The following TFR2 variants were observed in gnomAD, a reference collection of about 807,000 sequenced individuals.
TFR2 encodes the protein transferrin receptor 2.
Under a neutral mutation model 91.9 loss-of-function variants are expected in TFR2, and 64 were observed. That is an observed-to-expected ratio of 0.70 (90% confidence interval 0.57 to 0.86). The LOEUF (loss-of-function observed/expected upper bound fraction) is 0.86, where lower values mean the gene tolerates loss of function less well. TFR2 is among the 40% of genes least tolerant of loss of function. The probability of loss-of-function intolerance (pLI) is 0.00; values close to 1 mark genes in which losing one functional copy is unlikely to be tolerated. For synonymous variants in TFR2, 454 were observed against 459.6 expected, an observed-to-expected ratio of 0.99 and a Z score of 0.15; for missense variants, 950 against 1,080.5, an observed-to-expected ratio of 0.88 and a Z score of 1.69.
chr7:100,631,181 G>A (rs1803421377), intron 8 of TFR2, 129 bp from the exon 9 acceptor site: 3 of 1,097,620 alleles, frequency 2.7e-6, no homozygotes, highest in African/African-American at 3.2e-5. Flanking sequence ...CGCTGCCTGG[G>A]TAGGGCAGTG....
In TFR2 at chr7:100,641,493, C is replaced by G. The variant is rs1416301100; in HGVS notation, c.17G>C (p.Gly6Ala). Residue 6 changes from glycine (G) to alanine (A), a missense_variant, in exon 1 of 18, where the codon GGT (glycine) becomes GCT (alanine). By Grantham distance (60) the Gly-to-Ala change is moderately conservative (BLOSUM62 0). Coordinates refer to ENST00000223051, the MANE Select transcript of TFR2 (RefSeq NM_003227.4). ...TAGTCTTACCGCTCTCTGGAATAGA[C>G]CCCAAAGCCGCTCCATGCTTGTGTC... is the stretch of plus-strand genomic sequence containing the variant. MERLW[G>A]LFQRAQQLSP... 1.2e-6 allele frequency: 2 copies of G among 1,613,740 alleles called. No homozygotes were observed. The highest frequency in any genetic ancestry group is 1.3e-5 in the African/African-American group (1 of 74,868).
At position 100,627,458 on chromosome 7, in the gene TFR2, C is replaced by T. The variant is rs955254550; in HGVS notation, c.1801G>A (p.Glu601Lys). ...TTATGCAGGTTCTCATAAGTGTCCT[C>T]CTTTGTGTGCAGGAATGGGTAGGCC... ...DQAYPFLHTK[E>K]DTYENLHKVL... The change falls in exon 16 of 18, where the codon GAG (glutamate) becomes AAG (lysine). Residue 601 changes from glutamate to lysine, a missense_variant. Transcript: ENST00000223051. 1.9e-6 allele frequency: 3 copies of T among 1,603,680 alleles called. No homozygotes were observed. The African/African-American group carries it at 4.0e-5, about 21-fold the overall frequency.
At chr7:100,634,859 A>G (rs765955255) in intron 3 of TFR2, among the ~76,000 whole-genome samples, 1 of 152,190 alleles carries the variant, frequency 6.6e-6, no homozygotes, top group Non-Finnish European at 1.5e-5. Context: ...TCCTCAACGA[A>G]GCCTTCCCTG....
In TFR2 at chr7:100,620,897, G is replaced by T. The variant is rs573782227; in HGVS notation, c.2366C>A (p.Ala789Glu). ...LTWTLQGAAN[A>E]LSGDVWNIDN... Reference sequence around the variant, plus strand: ...AATGTTCCAGACATCCCCGCTAAGCGCATTGGCTGCCCCTTGCAGCGTCCA... The same window carrying T: ...AATGTTCCAGACATCCCCGCTAAGCTCATTGGCTGCCCCTTGCAGCGTCCA... The change falls in exon 18 of 18, where the codon GCG becomes GAG. Residue 789 changes from alanine to glutamate, a missense_variant. Ala to Glu is a moderately radical substitution (Grantham distance 107). Transcript: ENST00000223051. 2 of 1,613,900 alleles carry T rather than the reference G, an allele frequency of 1.2e-6. No individual in the cohort carries two copies. The highest frequency in any genetic ancestry group is 2.2e-5 in the South Asian group (2 of 91,090).
In TFR2 at chr7:100,640,571, G is replaced by A. The variant is rs62482243; in HGVS notation, c.473+115C>T. On this transcript the variant is annotated intron_variant, in intron 3 of 17. Transcript: ENST00000223051. Reference sequence around the variant, plus strand: ...AGGGGGGCCAGGAAGGCAGATGGGAGGACTCAGGAGGGGGACCCAGACACC... The same window carrying A: ...AGGGGGGCCAGGAAGGCAGATGGGAAGACTCAGGAGGGGGACCCAGACACC... The A allele has an allele frequency of 7.4e-4, 902 of 1,215,418 alleles. 3 individuals carry two copies. Among genetic ancestry groups the A allele is most frequent in the Non-Finnish European group, 9.8e-4 (856 of 870,830 alleles). 75.3% of individuals were successfully genotyped at this position (1,215,418 alleles called of 1,614,324 possible).
intron 17 of TFR2, 97 bp from the exon 18 acceptor site, chr7:100,621,223 GT>G (rs1803102499): frequency 7.4e-7 from 1 of 1,348,368 alleles, no homozygotes; most frequent in African/African-American, 1.5e-5. Flanking sequence ...TTGTTTTTTT[GT>G]TTGTTTGTTT....
At chr7:100,626,500 C>A in intron 17 of TFR2, 4 of 1,342,844 alleles carry the variant, frequency 3.0e-6, no homozygotes, top group Non-Finnish European at 2.9e-6. Flanking sequence ...GGTGGATTGT[C>A]CCAGTTCTGC....
chr7:100,627,696 C>G (rs756027634), intron 14 of TFR2, 35 bp from the exon 15 acceptor site: 4 of 1,613,954 alleles, frequency 2.5e-6, no homozygotes, highest in Non-Finnish European at 3.4e-6. Context: ...TCTGTGGGTT[C>G]AGGCTCCCCC....
intron 17 of TFR2, 139 bp downstream of exon 17, chr7:100,626,624 C>T (rs41295927): frequency 9.2e-5 from 135 of 1,471,780 alleles, no homozygotes; most frequent in Non-Finnish European, 1.1e-4. Flanking sequence ...GTGTCCAGGA[C>T]TGGGAAGAGA....
intron 3 of TFR2, 89 bp downstream of exon 3, chr7:100,640,596 CA>C: frequency 6.8e-7 from 1 of 1,480,910 alleles, no homozygotes; most frequent in Non-Finnish European, 9.2e-7. Flanking sequence ...ACCCAGACAC[CA>C]GAGGCCTGGG....
Position 100,633,294 on chromosome 7 carries a change from C to A in TFR2, c.661G>T (p.Gly221Ter), listed in dbSNP as rs763292953. The stretch of plus-strand genomic sequence containing the variant: ...GGGTCCTCCAGCGGCAGCTGCTCTC[C>A]GACCTTCCCGGCCTCATCGACCCAG... ...LHWVDEAGKV[G>*]EQLPLEDPDV... Residue 221 changes from glycine to a stop codon, truncating the protein, a stop_gained, in exon 5 of 18, where the codon GGA becomes TGA. Coordinates refer to ENST00000223051, the MANE Select transcript of TFR2 (RefSeq NM_003227.4). LOFTEE classifies it high-confidence loss of function. 1 of 1,613,706 alleles carries A rather than the reference C, an allele frequency of 6.2e-7. No individual in the cohort carries two copies. The highest frequency in any genetic ancestry group is 1.7e-5 in the Admixed American group (1 of 60,014).
intron 17 of TFR2, among the ~76,000 whole-genome samples, chr7:100,624,385 T>A (rs1231900680): frequency 6.6e-6 from 1 of 152,214 alleles, no homozygotes; most frequent in African/African-American, 2.4e-5. Context: ...TCCTGCCTGT[T>A]CTTCAAGATC....
intron 8 of TFR2, 102 bp downstream of exon 8, chr7:100,631,704 C>T: frequency 6.6e-7 from 1 of 1,508,430 alleles, no homozygotes; most frequent in Non-Finnish European, 8.9e-7. Context: ...CAGGCTTAAA[C>T]AAGAGTCACC....
chr7:100,632,028 A>T (rs1016899850), intron 7 of TFR2, 54 bp downstream of exon 7: 2 of 1,613,976 alleles, frequency 1.2e-6, no homozygotes, highest in Admixed American at 1.7e-5. Context: ...ATTCTGAGCA[A>T]GAAGGTGTGG....
rs578132648 is a variant in TFR2, at chr7:100,640,704, C to T, written c.455G>A (p.Arg152His). The T allele has an allele frequency of 2.5e-5, 41 of 1,612,942 alleles. No individual in the cohort carries two copies. In the East Asian group the frequency reaches 3.3e-4, roughly 13 times the overall value. ...AMFLQFLGEG[R>H]LEDTIRQTSL... Reference sequence around the variant, plus strand: ...TCCCTACCTGATGGTGTCCTCCAGGCGCCCCTCCCCCAGGAACTGCAGGAA... The same window carrying T: ...TCCCTACCTGATGGTGTCCTCCAGGTGCCCCTCCCCCAGGAACTGCAGGAA... Residue 152 changes from arginine to histidine, a missense_variant, in exon 3 of 18, where the codon CGC becomes CAC. Transcript: ENST00000223051.
chr7:100,630,416 A>T (rs1584458420), intron 9 of TFR2, among the ~76,000 whole-genome samples: 1 of 152,202 alleles, frequency 6.6e-6, no homozygotes. Context: ...GAGCCTCCGG[A>T]ATAGCTGGAA....
chr7:100,620,792 ATCAT>A lies in TFR2; in HGVS notation c.*61_*64del. On this transcript the variant is annotated 3_prime_UTR_variant, in exon 18 of 18. Coordinates refer to ENST00000223051, the MANE Select transcript of TFR2 (RefSeq NM_003227.4). ...CTCTGAGCCACCTCCCTGACCCTGA[ATCAT>A]TCAAGCGAGGAGCAGAGGAGCTCTT... is the stretch of plus-strand genomic sequence containing the variant. 6.2e-7 allele frequency: 1 copy of A among 1,604,968 alleles called. No homozygotes were observed. The highest frequency in any genetic ancestry group is 8.5e-7 in the Non-Finnish European group (1 of 1,173,080).
At chr7:100,641,275 G>C in intron 1 of TFR2, 47 bp from the exon 2 acceptor site, 1 of 1,529,262 alleles carries the variant, frequency 6.5e-7, no homozygotes, top group Non-Finnish European at 8.8e-7. Flanking sequence ...GGCCTGGGGG[G>C]TGGGGAGGCA....
intron 17 of TFR2, 24 bp downstream of exon 17, chr7:100,626,739 G>C: frequency 6.5e-7 from 1 of 1,538,074 alleles, no homozygotes; most frequent in Non-Finnish European, 8.7e-7. Context: ...CACTGGGGGC[G>C]GGGCGAGGAG....
Sources: gnomAD v4.1 joint callset for allele counts (sites outside exome capture counted in the v4.1 genomes callset) on GRCh38, gnomAD v4.1.1 for gene constraint, MANE v1.5 for transcripts, NCBI Gene and HGNC (gene_info 2026-07-23, HGNC 2026-07-21) for gene names.